The following MAGI1 variants were observed in gnomAD, a reference collection of about 807,000 sequenced individuals.
The protein encoded by MAGI1 is membrane associated guanylate kinase, WW and PDZ domain containing 1.
In MAGI1, 58 loss-of-function variants were observed where a neutral mutation model predicts 139.9. That is an observed-to-expected ratio of 0.41 (90% CI 0.34 to 0.52). The LOEUF (loss-of-function observed/expected upper bound fraction) is 0.52. Among genes scored for constraint, MAGI1 ranks in the 20% least tolerant of loss-of-function variants. MAGI1 has a pLI of 0.12. For missense variants in MAGI1, 1,874 were observed against 1,901.6 expected (o/e 0.99, Z 0.27); for synonymous variants, 812 against 737.9 (o/e 1.10, Z -1.63).
intron 14 of MAGI1, among the ~76,000 whole-genome samples, chr3:65,389,972 G>A (rs955596528): frequency 6.6e-5 from 10 of 152,184 alleles, no homozygotes; most frequent in Admixed American, 5.9e-4. Flanking sequence ...ATCATTCAGT[G>A]GACTGACCAA....
intron 1 of MAGI1, among the ~76,000 whole-genome samples, chr3:66,025,606 T>C (rs2068213026): frequency 6.6e-6 from 1 of 152,028 alleles, no homozygotes; most frequent in African/African-American, 2.4e-5. Context: ...TGAAGAAAAC[T>C]CCCACCCAAA....
intron 18 of MAGI1, among the ~76,000 whole-genome samples, chr3:65,375,159 T>G (rs1942377780): frequency 1.3e-5 from 2 of 151,766 alleles, no homozygotes; most frequent in South Asian, 2.1e-4. Context: ...CTAAATAAGT[T>G]GAGGAAAGGG....
chr3:65,841,228 A>T (rs920256710), intron 1 of MAGI1, among the ~76,000 whole-genome samples: 4 of 152,050 alleles, frequency 2.6e-5, no homozygotes, highest in Non-Finnish European at 5.9e-5. Flanking sequence ...TCAAAGAACT[A>T]GCTTTTTGTT....
At chr3:65,814,685 G>A (rs1473551) in intron 1 of MAGI1, among the ~76,000 whole-genome samples, 80,603 of 151,844 alleles carry the variant, frequency 0.53, 22,308 homozygotes, top group East Asian at 0.76. Flanking sequence ...TCACAGGACT[G>A]CTCATAGAAT....
chr3:65,546,525 T>A (rs2079516404), intron 2 of MAGI1, among the ~76,000 whole-genome samples: 1 of 152,202 alleles, frequency 6.6e-6, no homozygotes, highest in African/African-American at 2.4e-5. Context: ...TTCATCTATG[T>A]CAAGGTTGTA....
At chr3:65,939,416 C>T (rs6786903) in intron 1 of MAGI1, among the ~76,000 whole-genome samples, 4,259 of 152,192 alleles carry the variant, frequency 0.028, 207 homozygotes, top group African/African-American at 0.097. Flanking sequence ...ATGTGAACTC[C>T]GCACAAATTA....
At chr3:65,382,541 T>G (rs1242722259) in intron 15 of MAGI1, among the ~76,000 whole-genome samples, 3 of 152,232 alleles carry the variant, frequency 2.0e-5, no homozygotes, top group Non-Finnish European at 4.4e-5. Flanking sequence ...TTTTGAAGTC[T>G]TTTAGCACCC....
intron 3 of MAGI1, among the ~76,000 whole-genome samples, chr3:65,490,412 G>C (rs1378398672): frequency 6.6e-6 from 1 of 152,144 alleles, no homozygotes; most frequent in Non-Finnish European, 1.5e-5. Flanking sequence ...ACTTGTCCAG[G>C]GGAGGCAAAG....
At chr3:65,990,039 AT>A (rs1401675153) in intron 1 of MAGI1, among the ~76,000 whole-genome samples, 1 of 152,238 alleles carries the variant, frequency 6.6e-6, no homozygotes, top group Non-Finnish European at 1.5e-5. Context: ...TAGTTCAAGA[AT>A]GACTAAAGTC....
chr3:65,483,834 C>G (rs1011611069), intron 3 of MAGI1, among the ~76,000 whole-genome samples: 1 of 152,108 alleles, frequency 6.6e-6, no homozygotes, highest in African/African-American at 2.4e-5. Flanking sequence ...CTGGCCAGGA[C>G]AAAGCCAAAG....
At chr3:65,955,748 A>T (rs1306672943) in intron 1 of MAGI1, among the ~76,000 whole-genome samples, 1 of 152,152 alleles carries the variant, frequency 6.6e-6, no homozygotes, top group African/African-American at 2.4e-5. Flanking sequence ...CTGAAGTATC[A>T]GAATGACAAC....
chr3:65,426,809 T>G (rs1044510363), intron 12 of MAGI1, among the ~76,000 whole-genome samples: 1 of 152,212 alleles, frequency 6.6e-6, no homozygotes, highest in African/African-American at 2.4e-5. Context: ...TTCTATCCTA[T>G]ACATAAATCA....
intron 2 of MAGI1, among the ~76,000 whole-genome samples, chr3:65,579,670 AC>A (rs2081328684): frequency 2.0e-5 from 3 of 151,680 alleles, no homozygotes; most frequent in Admixed American, 6.6e-5. Flanking sequence ...ACATAGTGAA[AC>A]CCTGTCTCTA....
chr3:65,459,571 TA>T (rs1367394878), intron 5 of MAGI1, among the ~76,000 whole-genome samples: 3 of 152,226 alleles, frequency 2.0e-5, no homozygotes, highest in Non-Finnish European at 4.4e-5. Flanking sequence ...GGAGTAGTTT[TA>T]TTTCTTCCTT....
intron 1 of MAGI1, among the ~76,000 whole-genome samples, chr3:65,746,987 G>A (rs1272416573): frequency 6.6e-6 from 1 of 152,180 alleles, no homozygotes; most frequent in Non-Finnish European, 1.5e-5. Flanking sequence ...AATGGAAGAC[G>A]CCTTGATGAG....
chr3:65,663,383 G>A (rs1052308404), intron 1 of MAGI1, among the ~76,000 whole-genome samples: 5 of 152,082 alleles, frequency 3.3e-5, no homozygotes, highest in South Asian at 2.1e-4. Context: ...TGGTTTTACC[G>A]TGGTACCAGT....
rs145704115 is a variant in MAGI1, at chr3:65,633,022, T to C, written c.314-10934A>G. 9.9e-5 allele frequency among the ~76,000 whole-genome samples: 15 copies of C among 152,260 alleles called. No homozygotes were observed. The East Asian group carries it at 2.9e-3, about 29-fold the overall frequency. Reference sequence around the variant, plus strand: ...AATGACTGGTCTCTACCCCAGGACTTGATAGAATTAGAAATTCTAGGGGTG... The same window carrying C: ...AATGACTGGTCTCTACCCCAGGACTCGATAGAATTAGAAATTCTAGGGGTG... On this transcript the variant is annotated intron_variant, in intron 1 of 22. Coordinates refer to ENST00000402939, the MANE Select transcript of MAGI1 (RefSeq NM_001033057.2).
chr3:65,364,678 G>T lies in MAGI1; in HGVS notation c.3338C>A (p.Pro1113His), dbSNP rs1941239052. 2.5e-6 allele frequency: 4 copies of T among 1,613,926 alleles called. No homozygotes were observed. In the East Asian group the frequency reaches 8.9e-5, roughly 36 times the overall value. The change falls in exon 20 of 23, where the codon CCC becomes CAC. Residue 1113 changes from proline to histidine, a missense_variant. By Grantham distance (77) the Pro-to-His change is moderately conservative. Coordinates refer to ENST00000402939, the MANE Select transcript of MAGI1 (RefSeq NM_001033057.2). ...CATGGTGCTCACCTGTGTTGCTTGG[G>T]GTGCTTTGAACTCAAATTGAGATTC... The part of the protein sequence containing the change: ...KQESQFEFKA[P>H]QATQEQDFYT...
chr3:65,588,016 G>T (rs1030340178), intron 2 of MAGI1, among the ~76,000 whole-genome samples: 1 of 152,098 alleles, frequency 6.6e-6, no homozygotes, highest in African/African-American at 2.4e-5. Flanking sequence ...CAAGGCTCTA[G>T]AGCCTATTCT....
Sources: allele counts gnomAD v4.1 joint callset (sites outside exome capture counted in the v4.1 genomes callset), GRCh38; gene constraint gnomAD v4.1.1; transcripts MANE v1.5; gene names NCBI Gene and HGNC (gene_info 2026-07-23, HGNC 2026-07-21).